Variants in INPP5F observed in about 807,000 individuals in gnomAD.
INPP5F encodes the protein phosphatidylinositide 4-phosphatase SAC2.
Under a neutral mutation model 137.2 loss-of-function variants are expected in INPP5F, and 97 were observed. The observed-to-expected ratio is 0.71, with a 90% CI of 0.60 to 0.84. The LOEUF is 0.84. Ranked by LOEUF, INPP5F falls within the 40% of genes least tolerant of loss-of-function variation. The probability of loss-of-function intolerance (pLI) is 0.00; values close to 1 mark genes in which losing one functional copy is unlikely to be tolerated. For missense variants in INPP5F, 1,271 were observed against 1,371.9 expected, an observed-to-expected ratio of 0.93 and a Z score of 1.16; for synonymous variants, 504 against 476.9, an observed-to-expected ratio of 1.06 and a Z score of -0.74.
intron 3 of INPP5F, among the ~76,000 whole-genome samples, chr10:119,788,449 TG>T (rs1850005005): frequency 6.6e-6 from 1 of 152,092 alleles, no homozygotes. Context: ...CAGCCAGAGA[TG>T]GGGAAGGACC....
At chr10:119,750,872 T>TTC (rs1848672119) in intron 1 of INPP5F, among the ~76,000 whole-genome samples, 1 of 152,228 alleles carries the variant, frequency 6.6e-6, no homozygotes, top group African/African-American at 2.4e-5. Flanking sequence ...CCCTTAACTG[T>TTC]CCGAAGCCTT....
chr10:119,746,749 A>G (rs1848544817), intron 1 of INPP5F, among the ~76,000 whole-genome samples: 1 of 152,124 alleles, frequency 6.6e-6, no homozygotes, highest in Admixed American at 6.5e-5. Flanking sequence ...GAACAAGAAA[A>G]TCATAGAAGA....
chr10:119,810,314 A>G (rs1236302815), intron 14 of INPP5F, 97 bp downstream of exon 14: 1 of 659,050 alleles, frequency 1.5e-6, no homozygotes, highest in Non-Finnish European at 2.7e-6. Context: ...CATATTTTGT[A>G]ATATACTTGT....
chr10:119,795,930 C>T (rs907544574), intron 6 of INPP5F, among the ~76,000 whole-genome samples: 8 of 152,144 alleles, frequency 5.3e-5, no homozygotes, highest in Admixed American at 2.6e-4. Flanking sequence ...ATATGAAAAC[C>T]AGTCAGGCGT....
At chr10:119,790,279 C>T (rs1850094484) in intron 3 of INPP5F, among the ~76,000 whole-genome samples, 1 of 152,072 alleles carries the variant, frequency 6.6e-6, no homozygotes, top group Non-Finnish European at 1.5e-5. Flanking sequence ...TTCCGTGTCA[C>T]CTGGAATTCT....
At chr10:119,765,880 T>TAG (rs3065469) in intron 2 of INPP5F, among the ~76,000 whole-genome samples, 4 of 144,280 alleles carry the variant, frequency 2.8e-5, no homozygotes, top group African/African-American at 1.0e-4. Flanking sequence ...TATATATATA[T>TAG]AGAGAGAGAG....
chr10:119,792,199 C>T lies in INPP5F; in HGVS notation c.655C>T (p.Leu219Phe). 6.2e-7 allele frequency: 1 copy of T among 1,612,772 alleles called. No homozygotes were observed. Among genetic ancestry groups the T allele is most frequent in the Non-Finnish European group, 8.5e-7 (1 of 1,178,766 alleles). Reference protein sequence around the residue: ...FFWNKYMIQDLTEIGTPDVDF... With the variant: ...FFWNKYMIQDFTEIGTPDVDF... Reference sequence around the variant, plus strand: ...TTGGAATAAATACATGATACAAGATCTTACTGAGATTGGTGTGAGTAGTTG... The same window carrying T: ...TTGGAATAAATACATGATACAAGATTTTACTGAGATTGGTGTGAGTAGTTG... The change falls in exon 6 of 20, where the codon CTT becomes TTT. Residue 219 changes from leucine (L) to phenylalanine (F), a missense_variant. This residue lies in a region of INPP5F where 593 missense variants were observed against 712.4 expected (regional missense o/e 0.83). Transcript: ENST00000650623.
In INPP5F at chr10:119,829,109, G is replaced by GTGAT. The variant is rs1851892755; in HGVS notation, c.*1331_*1334dup. 6.6e-6 allele frequency: 1 copy of GTGAT among 152,162 alleles called. No homozygotes were observed. The highest frequency in any genetic ancestry group is 6.6e-5 in the Admixed American group (1 of 15,246). The allele number at this position is 152,162 out of a possible 1,614,324, so 9.4% of individuals were successfully genotyped here. A position where few individuals can be genotyped will look rare whatever the true frequency, so the allele number is the denominator to read the frequency against. ...CTTTTTTTTTTACGTGTTAAATCTT[G>GTGAT]TGATTATTAAAATAAAGTACCATTG... On this transcript the variant is annotated 3_prime_UTR_variant, in exon 20 of 20. Coordinates refer to ENST00000650623, the MANE Select transcript of INPP5F (RefSeq NM_014937.4).
At chr10:119,821,764 A>T (rs886135516) in intron 16 of INPP5F, among the ~76,000 whole-genome samples, 10 of 148,886 alleles carry the variant, frequency 6.7e-5, no homozygotes, top group African/African-American at 2.5e-4. Flanking sequence ...GTGTGTGTGC[A>T]CACGCGCGCG....
chr10:119,824,129 G>A (rs1296917056), intron 19 of INPP5F, among the ~76,000 whole-genome samples: 1 of 152,158 alleles, frequency 6.6e-6, no homozygotes, highest in East Asian at 1.9e-4. Context: ...GTAGTTTAGA[G>A]GGTTTCCATG....
chr10:119,807,684 A>C (rs1850849970), intron 12 of INPP5F, among the ~76,000 whole-genome samples: 2 of 152,226 alleles, frequency 1.3e-5, no homozygotes, highest in Non-Finnish European at 2.9e-5. Flanking sequence ...AAAATATAAT[A>C]GTATGATCCT....
At chr10:119,775,934 G>A (rs1360145918) in intron 2 of INPP5F, among the ~76,000 whole-genome samples, 1 of 152,102 alleles carries the variant, frequency 6.6e-6, no homozygotes, top group Non-Finnish European at 1.5e-5. Flanking sequence ...GACATAAATT[G>A]CCTGGTGATA....
intron 2 of INPP5F, among the ~76,000 whole-genome samples, chr10:119,767,977 G>A (rs1041299620): frequency 1.3e-5 from 2 of 151,980 alleles, no homozygotes; most frequent in African/African-American, 4.8e-5. Flanking sequence ...GAGTATTCCT[G>A]TTGGCAATGT....
chr10:119,824,721 G>A (rs1272780219), intron 19 of INPP5F, among the ~76,000 whole-genome samples: 3 of 151,996 alleles, frequency 2.0e-5, no homozygotes, highest in Non-Finnish European at 4.4e-5. Flanking sequence ...TAACCATTGT[G>A]GATCTTTTCT....
chr10:119,816,061 T>G (rs1006133990), intron 15 of INPP5F: 1 of 152,276 alleles, frequency 6.6e-6, no homozygotes, highest in African/African-American at 2.4e-5. Context: ...CTTGTTGGCT[T>G]GCGTAGCAGG....
intron 2 of INPP5F, among the ~76,000 whole-genome samples, chr10:119,778,117 A>G (rs992714868): frequency 2.0e-5 from 3 of 151,924 alleles, no homozygotes; most frequent in African/African-American, 2.4e-5. Context: ...AGCAATTCTC[A>G]TGCCTCAGCC....
At chr10:119,757,364 G>A (rs893112605) in intron 2 of INPP5F, among the ~76,000 whole-genome samples, 2 of 151,430 alleles carry the variant, frequency 1.3e-5, no homozygotes, top group Non-Finnish European at 2.9e-5. Context: ...CACCATGCCC[G>A]ACCGAGATTT....
At chr10:119,794,309 A>T (rs188183395) in intron 6 of INPP5F, among the ~76,000 whole-genome samples, 2 of 152,140 alleles carry the variant, frequency 1.3e-5, no homozygotes, top group South Asian at 4.2e-4. Context: ...GATACAGCAC[A>T]TGTTTCAGAG....
chr10:119,797,279 T>A (rs1850418878), intron 7 of INPP5F, among the ~76,000 whole-genome samples, 182 bp from the exon 8 acceptor site: 1 of 152,178 alleles, frequency 6.6e-6, no homozygotes, highest in Non-Finnish European at 1.5e-5. Context: ...AGCTTCAACT[T>A]GTTAAAAACA....
Sources: gnomAD v4.1 joint callset for allele counts (sites outside exome capture counted in the v4.1 genomes callset) on GRCh38, gnomAD v4.1.1 for gene constraint, gnomAD v4.1.1 regional missense constraint, MANE v1.5 for transcripts, NCBI Gene and HGNC (gene_info 2026-07-23, HGNC 2026-07-21) for gene names.